Variants in PRKCH observed in about 807,000 individuals in gnomAD.
The protein encoded by PRKCH is protein kinase C eta type.
Under a neutral mutation model 82.5 loss-of-function variants are expected in PRKCH, and 28 were observed. That is an observed-to-expected ratio of 0.34 (90% CI 0.25 to 0.47). The LOEUF is 0.47. Ranked by LOEUF, PRKCH falls within the 20% of genes least tolerant of loss-of-function variation. The pLI, the probability that PRKCH is intolerant of heterozygous loss-of-function variation, is 1.00. For missense variants in PRKCH, 705 were observed against 881.8 expected (o/e 0.80, Z 2.54); for synonymous variants, 322 against 327.4 (o/e 0.98, Z 0.18).
chr14:61,349,509 C>T (rs1033908), intron 1 of PRKCH, among the ~76,000 whole-genome samples: 115,626 of 152,060 alleles, frequency 0.76, 44,251 homozygotes, highest in Non-Finnish European at 0.79. Flanking sequence ...CTGCTGTCTG[C>T]AGGGCATGCC....
intron 1 of PRKCH, among the ~76,000 whole-genome samples, chr14:61,214,713 C>G (rs541245465): frequency 5.9e-5 from 9 of 152,258 alleles, no homozygotes; most frequent in Non-Finnish European, 1.3e-4. Context: ...GCTTTCTCTT[C>G]TATCTCACGT....
intron 1 of PRKCH, among the ~76,000 whole-genome samples, chr14:61,387,025 C>T (rs1487136454): frequency 6.6e-6 from 1 of 152,228 alleles, no homozygotes; most frequent in East Asian, 1.9e-4. Context: ...CCTCAGCTCT[C>T]CCCTCTTTGT....
upstream of PRKCH, among the ~76,000 whole-genome samples, chr14:61,319,261 C>G (rs1317121323): frequency 2.6e-5 from 4 of 152,216 alleles, no homozygotes; most frequent in Admixed American, 2.0e-4. Flanking sequence ...TCTCAATGAG[C>G]TGATCTCTCT....
At chr14:61,239,220 C>T (rs992767649) in intron 1 of PRKCH, among the ~76,000 whole-genome samples, 1 of 152,094 alleles carries the variant, frequency 6.6e-6, no homozygotes, top group Admixed American at 6.5e-5. Flanking sequence ...AAGATACTGC[C>T]CCTAAATTAG....
chr14:61,449,383 C>T, intron 5 of PRKCH, 131 bp downstream of exon 5: 1 of 711,222 alleles, frequency 1.4e-6, no homozygotes, highest in East Asian at 2.8e-5. Flanking sequence ...CTCTGCTTTC[C>T]TCCCCCTGCC....
At chr14:61,198,782 G>C (rs112111908) in intron 1 of PRKCH, among the ~76,000 whole-genome samples, 1 of 152,182 alleles carries the variant, frequency 6.6e-6, no homozygotes, top group Non-Finnish European at 1.5e-5. Flanking sequence ...AGGCTGGAAG[G>C]CTATGTTTGG....
chr14:61,429,008 C>G (rs1345857083), intron 2 of PRKCH, among the ~76,000 whole-genome samples: 1 of 152,044 alleles, frequency 6.6e-6, no homozygotes, highest in Non-Finnish European at 1.5e-5. Flanking sequence ...ATCCTGTGTT[C>G]CACAGTCAAG....
intron 5 of PRKCH, among the ~76,000 whole-genome samples, chr14:61,449,900 C>CTCTCTG (rs1351833573): frequency 2.7e-5 from 1 of 36,894 alleles, no homozygotes; most frequent in African/African-American, 4.4e-5. Flanking sequence ...CTCTCTCTCT[C>CTCTCTG]TGTGTGTGTG....
chr14:61,301,443 A>T (rs2045446612), intron 1 of PRKCH, among the ~76,000 whole-genome samples: 1 of 152,248 alleles, frequency 6.6e-6, no homozygotes, highest in Non-Finnish European at 1.5e-5. Context: ...TTTTACTTCA[A>T]TTATATTTAA....
intron 11 of PRKCH, among the ~76,000 whole-genome samples, chr14:61,529,647 T>G (rs2043017995): frequency 1.3e-5 from 2 of 148,990 alleles, no homozygotes; most frequent in South Asian, 4.3e-4. Context: ...CAGTAAACTA[T>G]CGCAAGAACA....
At chr14:61,463,959 C>T (rs1429119728) in intron 9 of PRKCH, among the ~76,000 whole-genome samples, 7 of 152,170 alleles carry the variant, frequency 4.6e-5, no homozygotes, top group Non-Finnish European at 1.0e-4. Flanking sequence ...TTTCTTTGTC[C>T]ATTCATCCAC....
Position 61,206,953 on chromosome 14 carries a change from A to C in PRKCH, c.-19+19285A>C, listed in dbSNP as rs558754972. 1.9e-4 allele frequency among the ~76,000 whole-genome samples: 29 copies of C among 151,922 alleles called. No homozygotes were observed. In the South Asian group the frequency reaches 4.8e-3, roughly 25 times the overall value. On this transcript the variant is annotated intron_variant, in intron 1 of 3. Transcript: ENST00000555185. The stretch of plus-strand genomic sequence containing the variant: ...GAAACCCCGTCTCTACTAAAAATAC[A>C]AAATTAGCCAGACGTGGTGGTGCAT...
At chr14:61,396,203 C>A (rs112446538) in intron 2 of PRKCH, among the ~76,000 whole-genome samples, 61 of 151,846 alleles carry the variant, frequency 4.0e-4, no homozygotes, top group African/African-American at 1.5e-3. Flanking sequence ...ATCTCCTATG[C>A]GGGTTCTGCC....
At chr14:61,467,671 C>T (rs1566899047) in intron 9 of PRKCH, among the ~76,000 whole-genome samples, 1 of 152,222 alleles carries the variant, frequency 6.6e-6, no homozygotes, top group Non-Finnish European at 1.5e-5. Flanking sequence ...AGCCTCTGTT[C>T]ATGCCTTGGG....
At chr14:61,362,067 T>G (rs2046231444) in intron 1 of PRKCH, among the ~76,000 whole-genome samples, 1 of 152,162 alleles carries the variant, frequency 6.6e-6, no homozygotes, top group South Asian at 2.1e-4. Context: ...CTGAGTGCAG[T>G]GGCCCATGCC....
chr14:61,405,851 G>T (rs1477169036), intron 2 of PRKCH, among the ~76,000 whole-genome samples: 1 of 152,170 alleles, frequency 6.6e-6, no homozygotes, highest in African/African-American at 2.4e-5. Flanking sequence ...ACTGAATTTT[G>T]ATGATACTTC....
At chr14:61,191,645 C>T (rs1408620843) in intron 1 of PRKCH, among the ~76,000 whole-genome samples, 3 of 143,746 alleles carry the variant, frequency 2.1e-5, no homozygotes, top group African/African-American at 7.8e-5. Flanking sequence ...TGCACTGCAG[C>T]CCTGTCTCAA....
chr14:61,487,705 C>T (rs946399838), intron 10 of PRKCH, among the ~76,000 whole-genome samples: 2 of 151,996 alleles, frequency 1.3e-5, no homozygotes, highest in Admixed American at 1.3e-4. Context: ...CCTAACTGAA[C>T]ACTTGGACTG....
chr14:61,485,475 T>G, intron 9 of PRKCH, 27 bp from the exon 10 acceptor site: 1 of 1,610,506 alleles, frequency 6.2e-7, no homozygotes, highest in Middle Eastern at 1.7e-4. Flanking sequence ...TACACCACAT[T>G]GGGCCCTCTC....
Sources: gnomAD v4.1 joint callset for allele counts (sites outside exome capture counted in the v4.1 genomes callset) on GRCh38, gnomAD v4.1.1 for gene constraint, MANE v1.5 for transcripts, NCBI Gene and HGNC (gene_info 2026-07-23, HGNC 2026-07-21) for gene names.